RUFY3: variants seen among roughly 807,000 people sequenced by gnomAD.
RUFY3 encodes the protein protein RUFY3.
RUFY3 carries 34 observed loss-of-function variants against 84.0 expected under a neutral mutation model. That is an observed-to-expected ratio of 0.40 (90% confidence interval 0.31 to 0.54). RUFY3 has a LOEUF of 0.54. RUFY3 is among the 20% of genes least tolerant of loss of function. The pLI is 0.39. For missense variants in RUFY3, 507 were observed against 736.8 expected, an observed-to-expected ratio of 0.69 and a Z score of 3.61; for synonymous variants, 242 against 252.9, an observed-to-expected ratio of 0.96 and a Z score of 0.41.
intron 1 of RUFY3, among the ~76,000 whole-genome samples, chr4:70,749,952 A>G (rs1028749725): frequency 6.6e-6 from 1 of 151,776 alleles, no homozygotes; most frequent in African/African-American, 2.4e-5. Flanking sequence ...CACTGTGCCC[A>G]GCCAGAATTT....
intron 1 of RUFY3, among the ~76,000 whole-genome samples, chr4:70,737,177 A>G (rs914891957): frequency 1.3e-5 from 2 of 150,890 alleles, no homozygotes; most frequent in African/African-American, 4.9e-5. Context: ...CAAAAGATAC[A>G]GTTGTGGTTT....
intron 1 of RUFY3, among the ~76,000 whole-genome samples, chr4:70,741,988 A>T (rs1212112962): frequency 6.6e-6 from 1 of 152,208 alleles, no homozygotes; most frequent in African/African-American, 2.4e-5. Context: ...TCATGCAAAT[A>T]CATGTATATA....
chr4:70,771,480 C>T (rs1726944685), intron 5 of RUFY3, among the ~76,000 whole-genome samples: 2 of 152,084 alleles, frequency 1.3e-5, no homozygotes. Context: ...TTACTAGTAA[C>T]ATAAACAGTC....
intron 1 of RUFY3, among the ~76,000 whole-genome samples, chr4:70,751,532 G>T (rs1258082210): frequency 6.6e-6 from 1 of 151,974 alleles, no homozygotes; most frequent in Non-Finnish European, 1.5e-5. Context: ...ATGCTTTCTG[G>T]CCATTTGTCT....
At chr4:70,800,417 A>C (rs562108643) in intron 15 of RUFY3, among the ~76,000 whole-genome samples, 1 of 152,244 alleles carries the variant, frequency 6.6e-6, no homozygotes, top group Non-Finnish European at 1.5e-5. Flanking sequence ...AAGAAGGATG[A>C]TCAGGCTGTC....
intron 1 of RUFY3, among the ~76,000 whole-genome samples, chr4:70,737,133 G>A (rs980450697): frequency 1.3e-5 from 2 of 152,024 alleles, no homozygotes; most frequent in African/African-American, 4.8e-5. Context: ...AGTTGGTTGC[G>A]TTTTTCTCAT....
intron 12 of RUFY3, chr4:70,793,573 G>C: frequency 7.0e-7 from 1 of 1,438,794 alleles, no homozygotes; most frequent in Non-Finnish European, 9.1e-7. Context: ...TCCTCTGCCT[G>C]GTTCACCTTC....
At chr4:70,763,755 C>T (rs890723240) in intron 3 of RUFY3, 86 bp downstream of exon 3, 77 of 1,459,926 alleles carry the variant, frequency 5.3e-5, no homozygotes, top group Admixed American at 1.6e-4. Flanking sequence ...CAATTATGTA[C>T]GAATAATTTA....
upstream of RUFY3, chr4:70,704,174 A>G (rs1213520238): frequency 6.6e-6 from 1 of 152,246 alleles, no homozygotes; most frequent in Non-Finnish European, 1.5e-5. Context: ...CACCCGCGGC[A>G]CTAGAAAACC....
At chr4:70,752,637 G>T (rs561445961) in intron 1 of RUFY3, among the ~76,000 whole-genome samples, 1 of 152,288 alleles carries the variant, frequency 6.6e-6, no homozygotes, top group Admixed American at 6.5e-5. Flanking sequence ...ATTGGAACTT[G>T]TCAAGTACTT....
chr4:70,705,112 C>T (rs1740113711), exon 1 of RUFY3: 3 of 1,427,052 alleles, frequency 2.1e-6, no homozygotes, highest in East Asian at 6.2e-5. Context: ...GAGCCCGACT[C>T]GCCGGTGGCC....
intron 16 of RUFY3, among the ~76,000 whole-genome samples, chr4:70,803,661 C>T (rs1365244204): frequency 2.0e-5 from 3 of 151,998 alleles, no homozygotes; most frequent in African/African-American, 7.2e-5. Flanking sequence ...ATCTTCCCGC[C>T]TTGGCCTCCC....
intron 1 of RUFY3, among the ~76,000 whole-genome samples, chr4:70,759,820 A>G (rs1724720937): frequency 6.6e-6 from 1 of 152,192 alleles, no homozygotes; most frequent in Non-Finnish European, 1.5e-5. Flanking sequence ...TCAATGTGGA[A>G]GGACCTGATT....
intron 16 of RUFY3, 24 bp from the exon 17 acceptor site, chr4:70,804,320 AAACT>A (rs1560580652): frequency 6.2e-7 from 1 of 1,610,296 alleles, no homozygotes; most frequent in Non-Finnish European, 8.5e-7. Context: ...GCACTAAGAA[AAACT>A]AACCAGCTCC....
intron 10 of RUFY3, among the ~76,000 whole-genome samples, chr4:70,786,011 A>G (rs1283148266): frequency 6.6e-6 from 1 of 152,194 alleles, no homozygotes; most frequent in Non-Finnish European, 1.5e-5. Context: ...AGTGTTCATC[A>G]ACACTTGAAT....
exon 1 of RUFY3, chr4:70,705,028 G>A: frequency 3.3e-6 from 4 of 1,223,728 alleles, no homozygotes; most frequent in East Asian, 6.7e-5. Context: ...GAGGAGCCGC[G>A]CCGCGCTCCC....
At chr4:70,750,203 A>G (rs945873909) in intron 1 of RUFY3, among the ~76,000 whole-genome samples, 1 of 152,158 alleles carries the variant, frequency 6.6e-6, no homozygotes, top group African/African-American at 2.4e-5. Flanking sequence ...TATAGTACGT[A>G]AAAAGAATAG....
intron 1 of RUFY3, among the ~76,000 whole-genome samples, chr4:70,715,357 G>A (rs1019249399): frequency 9.2e-5 from 14 of 152,090 alleles, no homozygotes; most frequent in Admixed American, 3.3e-4. Flanking sequence ...GCCGAGGCAC[G>A]TGGATCTCTC....
chr4:70,772,188 C>T (rs554039025), intron 5 of RUFY3, among the ~76,000 whole-genome samples: 51 of 151,682 alleles, frequency 3.4e-4, no homozygotes, highest in Non-Finnish European at 4.3e-4. Context: ...AATTCAAAGT[C>T]GTGTTGTTCA....
Sources: gnomAD v4.1 joint callset for allele counts (sites outside exome capture counted in the v4.1 genomes callset) on GRCh38, gnomAD v4.1.1 for gene constraint, MANE v1.5 for transcripts, NCBI Gene and HGNC (gene_info 2026-07-23, HGNC 2026-07-21) for gene names.